Variants in DPP6 observed in about 807,000 individuals in gnomAD.
DPP6 encodes A-type potassium channel modulatory protein DPP6.
In DPP6, 69 loss-of-function variants were observed where a neutral mutation model predicts 122.6. That is an observed-to-expected ratio of 0.56 (90% CI 0.46 to 0.69). The LOEUF is 0.69. DPP6 is among the 30% of genes least tolerant of loss of function. The pLI, the probability that DPP6 is intolerant of heterozygous loss-of-function variation, is 0.00. For missense variants in DPP6, 928 were observed against 1,116.9 expected, an observed-to-expected ratio of 0.83 and a Z score of 2.41; for synonymous variants, 418 against 433.1, an observed-to-expected ratio of 0.97 and a Z score of 0.43.
chr7:154,710,798 A>C (rs2131302369), intron 7 of DPP6, among the ~76,000 whole-genome samples: 1 of 152,356 alleles, frequency 6.6e-6, no homozygotes, highest in Non-Finnish European at 1.5e-5. Flanking sequence ...AGTTATTTGC[A>C]GGATTGGCAC....
At chr7:154,151,659 A>G (rs1363665691) in intron 1 of DPP6, among the ~76,000 whole-genome samples, 1 of 152,092 alleles carries the variant, frequency 6.6e-6, no homozygotes. Context: ...CCAGCTGTGA[A>G]GTACAGTGCG....
At chr7:154,157,672 G>A (rs1295337836) in intron 1 of DPP6, among the ~76,000 whole-genome samples, 3 of 152,102 alleles carry the variant, frequency 2.0e-5, no homozygotes, top group African/African-American at 7.2e-5. Context: ...GGTGGCTCAT[G>A]CCTGTAATCC....
intron 21 of DPP6, among the ~76,000 whole-genome samples, chr7:154,882,279 T>C (rs1805450259): frequency 6.6e-6 from 1 of 152,194 alleles, no homozygotes; most frequent in Non-Finnish European, 1.5e-5. Context: ...CCACACCCTG[T>C]ACCCCCGCAC....
intron 5 of DPP6, among the ~76,000 whole-genome samples, chr7:154,622,708 T>TG (rs1834772502): frequency 6.6e-6 from 1 of 152,120 alleles, no homozygotes; most frequent in Admixed American, 6.5e-5. Context: ...ATTAAATGAA[T>TG]GGTCATTCGT....
intron 1 of DPP6, among the ~76,000 whole-genome samples, chr7:154,424,702 C>T (rs557572228): frequency 2.6e-4 from 39 of 152,214 alleles, no homozygotes; most frequent in Non-Finnish European, 5.4e-4. Context: ...ATTTAGATGT[C>T]TTTGGGCGGC....
chr7:153,949,024 A>T (rs531551644), intron 1 of DPP6, among the ~76,000 whole-genome samples: 5 of 152,136 alleles, frequency 3.3e-5, no homozygotes, highest in Non-Finnish European at 7.3e-5. Context: ...ATATATATAA[A>T]ACAGATTAAT....
intron 1 of DPP6, among the ~76,000 whole-genome samples, chr7:153,990,534 G>A (rs1234677798): frequency 2.0e-5 from 3 of 152,102 alleles, no homozygotes; most frequent in East Asian, 3.9e-4. Context: ...GCTTGCTTTT[G>A]CCTTTTAGTA....
At chr7:154,325,814 G>T (rs1482017211) in intron 1 of DPP6, among the ~76,000 whole-genome samples, 1 of 152,116 alleles carries the variant, frequency 6.6e-6, no homozygotes, top group African/African-American at 2.4e-5. Flanking sequence ...AAATGTTTAG[G>T]CCAAGGGCAC....
chr7:154,587,967 C>A, intron 5 of DPP6: 1 of 1,612,946 alleles, frequency 6.2e-7, no homozygotes, highest in Non-Finnish European at 8.5e-7. Flanking sequence ...CTGCAGCCCT[C>A]AGGCAGCACT....
At chr7:154,438,469 C>CAAAAAA (rs58978160) in intron 1 of DPP6, among the ~76,000 whole-genome samples, 1,433 of 37,502 alleles carry the variant, frequency 0.038, 26 homozygotes, top group Middle Eastern at 0.083. Flanking sequence ...GACTCCAACT[C>CAAAAAA]AAAAAAAAAA....
At chr7:154,368,184 T>C (rs186521137) in intron 1 of DPP6, among the ~76,000 whole-genome samples, 2 of 152,206 alleles carry the variant, frequency 1.3e-5, no homozygotes, top group Non-Finnish European at 1.5e-5. Flanking sequence ...AATAACCTTA[T>C]AGCGTAAACC....
At position 154,756,796 on chromosome 7, in the gene DPP6, C is replaced by G. The variant is rs191222245; in HGVS notation, c.884-12621C>G. On this transcript the variant is annotated intron_variant, in intron 8 of 25. Coordinates refer to ENST00000377770, the MANE Select transcript of DPP6 (RefSeq NM_130797.4). ...ACTTGATTCAGCTCGCGAGATATTC[C>G]TAGAACAACGAGAGAAAAATGAAGG... 5.9e-5 allele frequency among the ~76,000 whole-genome samples: 9 copies of G among 152,232 alleles called. No homozygotes were observed. In the East Asian group the frequency reaches 1.7e-3, roughly 30 times the overall value.
chr7:154,017,711 AAAAAAAATAAAAAAAT>A (rs1359797287), intron 1 of DPP6, among the ~76,000 whole-genome samples: 8 of 122,526 alleles, frequency 6.5e-5, no homozygotes, highest in Non-Finnish European at 9.9e-5. Flanking sequence ...AAAAAAATAA[AAAAAAAATAAAAAAAT>A]AAAAAAAAAA....
At chr7:153,827,839 A>G in the DPP6 span, among the ~76,000 whole-genome samples, 1 of 152,154 alleles carries the variant, frequency 6.6e-6, no homozygotes, top group African/African-American at 2.4e-5. Context: ...CGTGGTGTCA[A>G]TGCAGACCCT....
At chr7:153,993,886 C>T (rs1797311450) in intron 1 of DPP6, among the ~76,000 whole-genome samples, 1 of 152,162 alleles carries the variant, frequency 6.6e-6, no homozygotes, top group Non-Finnish European at 1.5e-5. Context: ...TGCCCCAATT[C>T]TGGCCAATCT....
chr7:154,777,408 T>C (rs952840367), intron 10 of DPP6, among the ~76,000 whole-genome samples: 6 of 152,162 alleles, frequency 3.9e-5, no homozygotes, highest in Admixed American at 1.3e-4. Context: ...GAGCTCAGCC[T>C]TCCTTGGGCT....
At chr7:154,661,915 C>G (rs1837707260) in intron 6 of DPP6, among the ~76,000 whole-genome samples, 1 of 151,294 alleles carries the variant, frequency 6.6e-6, no homozygotes, top group South Asian at 2.1e-4. Context: ...TTCACGCAGT[C>G]ATGGTGAATC....
chr7:153,873,064 G>C, the DPP6 span, among the ~76,000 whole-genome samples: 1 of 152,234 alleles, frequency 6.6e-6, no homozygotes, highest in African/African-American at 2.4e-5. Context: ...CTTCTGGTGA[G>C]GCCTCAGGCT....
intron 2 of DPP6, among the ~76,000 whole-genome samples, chr7:154,463,210 T>C (rs1821458124): frequency 4.1e-5 from 4 of 97,918 alleles, no homozygotes; most frequent in Non-Finnish European, 6.1e-5. Context: ...TTTTTTTTTT[T>C]TTTTTTTTTT....
Sources: allele counts gnomAD v4.1 joint callset (sites outside exome capture counted in the v4.1 genomes callset), GRCh38; gene constraint gnomAD v4.1.1; transcripts MANE v1.5; gene names NCBI Gene and HGNC (gene_info 2026-07-23, HGNC 2026-07-21).